The following ARHGEF17 variants were observed in gnomAD, a reference collection of about 807,000 sequenced individuals.
The protein encoded by ARHGEF17 is Rho guanine nucleotide exchange factor 17.
Under a neutral mutation model 174.0 loss-of-function variants are expected in ARHGEF17, and 80 were observed. The ratio of observed to expected loss-of-function variants is 0.46; its 90% CI spans 0.38 to 0.55. ARHGEF17 has a LOEUF of 0.55. Ranked by LOEUF, ARHGEF17 falls within the 20% of genes least tolerant of loss-of-function variation. The pLI, the probability that ARHGEF17 is intolerant of heterozygous loss-of-function variation, is 0.00. For synonymous variants in ARHGEF17, 1,311 were observed against 1,189.1 expected (o/e 1.10, Z -2.11); for missense variants, 2,886 against 2,839.7 (o/e 1.02, Z -0.37).
At position 73,364,157 on chromosome 11, in the gene ARHGEF17, C is replaced by T. The variant is rs556324613; in HGVS notation, c.5334-15C>T. On this transcript the variant is annotated splice_polypyrimidine_tract_variant and intron_variant, in intron 16 of 20. Coordinates refer to ENST00000263674, the MANE Select transcript of ARHGEF17 (RefSeq NM_014786.4). ...TGCCTGAACTCCCTTACTGCTTCCT[C>T]TTTTCCCTACCCAGGTATCTGAATA... 1.2e-6 allele frequency: 2 copies of T among 1,614,064 alleles called. No homozygotes were observed. The highest frequency in any genetic ancestry group is 1.7e-6 in the Non-Finnish European group (2 of 1,179,984).
At chr11:73,349,541 G>A (rs577491617) in intron 2 of ARHGEF17, among the ~76,000 whole-genome samples, 8 of 152,260 alleles carry the variant, frequency 5.3e-5, no homozygotes, top group Non-Finnish European at 8.8e-5. Flanking sequence ...GCTTGAACCC[G>A]GGAGGCAGAG....
chr11:73,326,681 T>G (rs187619488), intron 1 of ARHGEF17, among the ~76,000 whole-genome samples: 191 of 152,206 alleles, frequency 1.3e-3, no homozygotes, highest in Non-Finnish European at 2.3e-3. Flanking sequence ...GATTGCACAT[T>G]GCACTCCAAC....
intron 1 of ARHGEF17, among the ~76,000 whole-genome samples, chr11:73,338,193 TA>T (rs1264746625): frequency 6.6e-6 from 1 of 151,186 alleles, no homozygotes; most frequent in African/African-American, 2.4e-5. Context: ...GGAGAGAAGA[TA>T]GGGGGATGGG....
At chr11:73,349,672 A>G (rs1865521558) in intron 2 of ARHGEF17, among the ~76,000 whole-genome samples, 1 of 152,224 alleles carries the variant, frequency 6.6e-6, no homozygotes, top group Non-Finnish European at 1.5e-5. Context: ...ATGCCTGTTC[A>G]CAGGCAGGAG....
intron 1 of ARHGEF17, among the ~76,000 whole-genome samples, chr11:73,312,519 G>T (rs1193188026): frequency 6.6e-6 from 1 of 152,146 alleles, no homozygotes; most frequent in Admixed American, 6.5e-5. Flanking sequence ...CTGGTACTGT[G>T]CAGATTTGGG....
intron 1 of ARHGEF17, among the ~76,000 whole-genome samples, chr11:73,333,788 C>T (rs1384453614): frequency 6.6e-6 from 1 of 152,130 alleles, no homozygotes. Context: ...CTCCAGAGGC[C>T]TGGTCTGGTC....
chr11:73,310,062 TCA>T lies in ARHGEF17; in HGVS notation c.1425_1426del (p.Ser476PhefsTer42), dbSNP rs1454667606. The T allele has an allele frequency of 6.2e-7, 1 of 1,614,144 alleles. No individual in the cohort carries two copies. Reference sequence around the variant, plus strand: ...ATCGCCTCAGAGACCCTGACGCTTCTCAGTTTCCTGCGCTCAGACCTTTCAGA... The same window carrying T: ...ATCGCCTCAGAGACCCTGACGCTTCTGTTTCCTGCGCTCAGACCTTTCAGA... On this transcript the variant is annotated frameshift_variant, in exon 1 of 21. Transcript: ENST00000263674. LOFTEE classifies it high-confidence loss of function.
In ARHGEF17 at chr11:73,311,104, C is replaced by T; in HGVS notation, c.2466C>T (p.Ala822=). 9.3e-6 allele frequency: 15 copies of T among 1,606,548 alleles called. No homozygotes were observed. The highest frequency in any genetic ancestry group is 1.1e-5 in the Non-Finnish European group (13 of 1,174,132). ...TGGACGACAGGATTGCTGGCAAAGC[C>T]CCCAAGAAGAAATCCCTGAGTGACC... ...RVVDDRIAGK[A]PKKKSLSDPS... is the part of the protein sequence containing the mutation. The change falls in exon 1 of 21, where the codon GCC becomes GCT. Residue 822 remains alanine, a synonymous_variant. Transcript: ENST00000263674.
intron 1 of ARHGEF17, among the ~76,000 whole-genome samples, chr11:73,320,651 G>T (rs930906501): frequency 2.4e-5 from 3 of 125,652 alleles, no homozygotes; most frequent in East Asian, 2.2e-4. Context: ...AAAAAAAAAA[G>T]ATGATGATGA....
chr11:73,311,651 G>A lies in ARHGEF17; in HGVS notation c.3013G>A (p.Asp1005Asn). 1 of 1,613,408 alleles carries A rather than the reference G, an allele frequency of 6.2e-7. No homozygotes were observed. Among genetic ancestry groups the A allele is most frequent in the Non-Finnish European group, 8.5e-7 (1 of 1,179,994 alleles). ...HPTLQAPSLE[D>N]VTKQYMLNLH... ...CACGTTGCAGGCACCATCGCTCGAG[G>A]ACGTCACCAAGCAGTACATGCTGAA... Residue 1005 changes from aspartate (D) to asparagine (N), a missense_variant, in exon 1 of 21, where the codon GAC (aspartate) becomes AAC (asparagine). Asp to Asn is a conservative substitution (Grantham distance 23). Coordinates refer to ENST00000263674, the MANE Select transcript of ARHGEF17 (RefSeq NM_014786.4).
rs1017939928 is a variant in ARHGEF17, at chr11:73,338,052, C to T, written c.3193-8831C>T. Among the ~76,000 whole-genome samples, 3 of 152,202 alleles carry T rather than the reference C, an allele frequency of 2.0e-5. No individual in the cohort carries two copies. The South Asian group carries it at 6.2e-4, about 31-fold the overall frequency. On this transcript the variant is annotated intron_variant, in intron 1 of 20. Coordinates refer to ENST00000263674, the MANE Select transcript of ARHGEF17 (RefSeq NM_014786.4). Reference sequence around the variant, plus strand: ...AGCCAGTCCCCAGGGAGCCCTGTGGCTTGGACACTTCCCTTCTAGCTGCCT... The same window carrying T: ...AGCCAGTCCCCAGGGAGCCCTGTGGTTTGGACACTTCCCTTCTAGCTGCCT...
Position 73,309,324 on chromosome 11 carries a change from C to T in ARHGEF17, c.686C>T (p.Ala229Val), listed in dbSNP as rs1864760249. The change falls in exon 1 of 21, where the codon GCC becomes GTC. Residue 229 changes from alanine (A) to valine (V), a missense_variant. Ala to Val is a moderately conservative substitution (Grantham distance 64). Around this residue, in one of 4 missense-constraint regions of ARHGEF17, gnomAD observed 1,728 missense variants for 1,461.2 expected, o/e 1.18. Transcript: ENST00000263674. ...TCCCAACCGCAGGCCGGGGCCCGGG[C>T]CTCCTGCTCCTCCTCCTCCATCGCC... The part of the protein sequence containing the change: ...IFSQPQAGAR[A>V]SCSSSSIAAS... 1.3e-6 allele frequency: 2 copies of T among 1,588,126 alleles called. No homozygotes were observed. Among genetic ancestry groups the T allele is most frequent in the South Asian group, 1.1e-5 (1 of 90,880 alleles).
intron 1 of ARHGEF17, among the ~76,000 whole-genome samples, chr11:73,329,075 T>G (rs1288865460): frequency 1.3e-5 from 2 of 151,610 alleles, no homozygotes; most frequent in African/African-American, 2.4e-5. Flanking sequence ...AGATGATATA[T>G]TCACATGGTT....
chr11:73,323,526 G>C (rs561121428), intron 1 of ARHGEF17, among the ~76,000 whole-genome samples: 16 of 152,340 alleles, frequency 1.1e-4, no homozygotes, highest in African/African-American at 3.4e-4. Flanking sequence ...TGAAGAAGAG[G>C]AGAGCCGCGC....
At chr11:73,351,771 G>A (rs1244080934) in intron 2 of ARHGEF17, among the ~76,000 whole-genome samples, 4 of 151,908 alleles carry the variant, frequency 2.6e-5, no homozygotes, top group Non-Finnish European at 5.9e-5. Context: ...TAGTAGAGAC[G>A]GGGTTTCACT....
intron 1 of ARHGEF17, among the ~76,000 whole-genome samples, chr11:73,327,639 G>A (rs564033427): frequency 2.6e-5 from 4 of 152,362 alleles, no homozygotes; most frequent in African/African-American, 9.6e-5. Context: ...AGAGAGACCA[G>A]CATGTGCAAA....
rs1238738777 is a variant in ARHGEF17 at position 73,357,144 on chromosome 11, T to G, written c.4001+10T>G. 1 of 1,613,818 alleles carries G rather than the reference T, an allele frequency of 6.2e-7. No individual in the cohort carries two copies. Among genetic ancestry groups the G allele is most frequent in the East Asian group, 2.2e-5 (1 of 44,884 alleles). Reference sequence around the variant, plus strand: ...GCAGCTCCATGAGCCTGTGAGTGGCTGGGCCGGGGTTTGGGTGGTGCCAAC... The same window carrying G: ...GCAGCTCCATGAGCCTGTGAGTGGCGGGGCCGGGGTTTGGGTGGTGCCAAC... On this transcript the variant is annotated intron_variant, in intron 8 of 20. Transcript: ENST00000263674.
intron 16 of ARHGEF17, 126 bp downstream of exon 16, chr11:73,363,959 T>G: frequency 8.5e-7 from 1 of 1,176,934 alleles, no homozygotes; most frequent in Non-Finnish European, 1.2e-6. Context: ...GCCAGAGGCC[T>G]GGCCCTAGGC....
Position 73,357,096 on chromosome 11 carries a change from G to A in ARHGEF17, c.3963G>A (p.Lys1321=), listed in dbSNP as rs762515365. 5.0e-6 allele frequency: 8 copies of A among 1,614,084 alleles called. No homozygotes were observed. In the East Asian group the frequency reaches 8.9e-5, roughly 18 times the overall value. ...ACCTCATCGTCTGCACCACTCTGAAGCGAAAGTCAGGCTCCCTGCGGCGCA... is the reference window on the plus strand; with the variant it reads ...ACCTCATCGTCTGCACCACTCTGAAACGAAAGTCAGGCTCCCTGCGGCGCA... ...FTDLIVCTTL[K]RKSGSLRRSS... The change falls in exon 8 of 21, where the codon AAG becomes AAA. Residue 1321 remains lysine, a synonymous_variant. Transcript: ENST00000263674.
Sources: allele counts gnomAD v4.1 joint callset (sites outside exome capture counted in the v4.1 genomes callset), GRCh38; gene constraint gnomAD v4.1.1; regional missense constraint gnomAD v4.1.1; transcripts MANE v1.5; gene names NCBI Gene and HGNC (gene_info 2026-07-23, HGNC 2026-07-21).